Variants in TMEM178B observed in about 807,000 individuals in gnomAD.
The protein encoded by TMEM178B is transmembrane protein 178B.
TMEM178B carries 5 observed loss-of-function variants against 31.0 expected under a neutral mutation model. The ratio of observed to expected loss-of-function variants is 0.16; its 90% confidence interval spans 0.08 to 0.34. The LOEUF (loss-of-function observed/expected upper bound fraction) is 0.34, where lower values mean the gene tolerates loss of function less well. Ranked by LOEUF, TMEM178B falls within the 10% of genes least tolerant of loss-of-function variation. The pLI is 1.00. For missense variants in TMEM178B, 275 were observed against 400.3 expected (o/e 0.69, Z 2.67); for synonymous variants, 164 against 164.0 (o/e 1.00, Z 0.00).
chr7:141,212,499 C>G, intron 1 of TMEM178B, 92 bp from the exon 2 acceptor site: 1 of 1,081,406 alleles, frequency 9.2e-7, no homozygotes, highest in East Asian at 2.6e-5. Context: ...TGAAAGAAGT[C>G]TTCTTCTCCA....
intron 2 of TMEM178B, among the ~76,000 whole-genome samples, chr7:141,314,989 TC>T (rs1798976464): frequency 6.6e-6 from 1 of 152,190 alleles, no homozygotes; most frequent in East Asian, 1.9e-4. Flanking sequence ...ATTGATCAAA[TC>T]CTTCTCCATC....
intron 1 of TMEM178B, among the ~76,000 whole-genome samples, chr7:141,076,219 A>T (rs1794598494): frequency 6.6e-6 from 1 of 152,244 alleles, no homozygotes; most frequent in Non-Finnish European, 1.5e-5. Context: ...CTGCCAAGGC[A>T]GGAAAACAAG....
At chr7:141,278,916 A>T (rs548845628) in intron 2 of TMEM178B, among the ~76,000 whole-genome samples, 1 of 152,238 alleles carries the variant, frequency 6.6e-6, no homozygotes, top group South Asian at 2.1e-4. Flanking sequence ...GGACCCAAGT[A>T]AGGAAAATCC....
At chr7:141,498,083 C>T in the TMEM178B span, among the ~76,000 whole-genome samples, 51 of 152,312 alleles carry the variant, frequency 3.3e-4, no homozygotes, top group Admixed American at 1.0e-3. Flanking sequence ...TGCAATAAGT[C>T]CCCTTTTGGA....
intron 2 of TMEM178B, among the ~76,000 whole-genome samples, chr7:141,319,726 C>T (rs569880049): frequency 1.8e-4 from 28 of 152,160 alleles, no homozygotes; most frequent in African/African-American, 5.1e-4. Flanking sequence ...TTAGTAGAGA[C>T]GGGGTTTCAC....
At chr7:141,303,608 T>C (rs543301278) in intron 2 of TMEM178B, among the ~76,000 whole-genome samples, 21 of 152,322 alleles carry the variant, frequency 1.4e-4, no homozygotes, top group African/African-American at 5.1e-4. Context: ...GCTCTTGCTG[T>C]TGTTTCCCCA....
the TMEM178B span, among the ~76,000 whole-genome samples, chr7:141,499,420 G>C: frequency 1.4e-5 from 2 of 141,010 alleles, no homozygotes; most frequent in African/African-American, 5.5e-5. Flanking sequence ...TTGAGCCCAG[G>C]AGTTCAAGAC....
chr7:141,444,536 C>T (rs1801718039), intron 3 of TMEM178B, among the ~76,000 whole-genome samples: 1 of 152,186 alleles, frequency 6.6e-6, no homozygotes, highest in Non-Finnish European at 1.5e-5. Context: ...CTGTTATAAA[C>T]TATCTCAAAT....
intron 1 of TMEM178B, among the ~76,000 whole-genome samples, chr7:141,120,842 C>T (rs1020242667): frequency 2.6e-5 from 4 of 151,842 alleles, no homozygotes; most frequent in South Asian, 2.1e-4. Flanking sequence ...CCTGTAGTTT[C>T]GGCTGCTTCA....
intron 1 of TMEM178B, among the ~76,000 whole-genome samples, chr7:141,125,043 GC>G (rs1052279568): frequency 1.3e-5 from 2 of 152,034 alleles, no homozygotes; most frequent in African/African-American, 4.8e-5. Context: ...AATATCTGAG[GC>G]CCCCTATTGG....
intron 1 of TMEM178B, among the ~76,000 whole-genome samples, chr7:141,164,014 G>T (rs1586804101): frequency 6.6e-6 from 1 of 152,136 alleles, no homozygotes; most frequent in Non-Finnish European, 1.5e-5. Flanking sequence ...TTGTAACTCA[G>T]ATTGGGGAAG....
chr7:141,204,937 C>T (rs1276871315), intron 1 of TMEM178B, among the ~76,000 whole-genome samples: 1 of 152,088 alleles, frequency 6.6e-6, no homozygotes, highest in Non-Finnish European at 1.5e-5. Flanking sequence ...CCTCCCACCC[C>T]AGCCTTTTGA....
chr7:141,409,494 C>T (rs1026592820), intron 2 of TMEM178B, among the ~76,000 whole-genome samples: 2 of 152,136 alleles, frequency 1.3e-5, no homozygotes, highest in African/African-American at 2.4e-5. Flanking sequence ...GTGAGGATTA[C>T]GTGGGATAGT....
At chr7:141,421,614 G>C (rs1365009598) in intron 2 of TMEM178B, among the ~76,000 whole-genome samples, 1 of 152,184 alleles carries the variant, frequency 6.6e-6, no homozygotes, top group Non-Finnish European at 1.5e-5. Flanking sequence ...TGATCTCATG[G>C]GTAAAAGGGA....
chr7:141,236,286 G>A (rs113071540), intron 2 of TMEM178B, among the ~76,000 whole-genome samples: 6 of 152,284 alleles, frequency 3.9e-5, no homozygotes, highest in Middle Eastern at 3.4e-3. Flanking sequence ...ACAGAGATTC[G>A]GCGCAGAGAA....
intron 2 of TMEM178B, among the ~76,000 whole-genome samples, chr7:141,361,795 C>A (rs540543334): frequency 6.6e-6 from 1 of 152,296 alleles, no homozygotes; most frequent in South Asian, 2.1e-4. Flanking sequence ...CTGTCTCTCT[C>A]AAGAGTAGGA....
intron 2 of TMEM178B, among the ~76,000 whole-genome samples, chr7:141,350,137 A>G (rs1365169090): frequency 2.0e-5 from 3 of 152,144 alleles, no homozygotes; most frequent in Non-Finnish European, 2.9e-5. Context: ...TCTACCTTCC[A>G]GATGTCACAA....
intron 1 of TMEM178B, among the ~76,000 whole-genome samples, chr7:141,112,430 T>C (rs1795248622): frequency 6.6e-6 from 1 of 152,126 alleles, no homozygotes; most frequent in Admixed American, 6.6e-5. Flanking sequence ...ATTTTTGTAT[T>C]TTTTGCAGAG....
intron 2 of TMEM178B, among the ~76,000 whole-genome samples, chr7:141,320,632 A>G (rs182370128): frequency 6.6e-6 from 1 of 152,246 alleles, no homozygotes; most frequent in Non-Finnish European, 1.5e-5. Context: ...CGCTTTACAT[A>G]TTCAGTCATC....
Sources: gnomAD v4.1 joint callset for allele counts (sites outside exome capture counted in the v4.1 genomes callset) on GRCh38, gnomAD v4.1.1 for gene constraint, MANE v1.5 for transcripts, NCBI Gene and HGNC (gene_info 2026-07-23, HGNC 2026-07-21) for gene names.